Variants in DBX2 observed in about 807,000 individuals in gnomAD.
DBX2 encodes developing brain homeobox 2, also known as homeobox protein DBX2.
A neutral mutation model predicts 17.7 loss-of-function variants in DBX2; 16 were observed. The ratio of observed to expected loss-of-function variants is 0.90; its 90% CI spans 0.61 to 1.37. The LOEUF is 1.37. DBX2 is among the 40% of genes most tolerant of loss of function. The pLI, the probability that DBX2 is intolerant of heterozygous loss-of-function variation, is 0.00. For synonymous variants in DBX2, 255 were observed against 183.8 expected (o/e 1.39, Z -3.13); for missense variants, 538 against 433.8 (o/e 1.24, Z -2.13).
At chr12:45,028,087 G>A (rs1192602602) in intron 2 of DBX2, among the ~76,000 whole-genome samples, 3 of 152,170 alleles carry the variant, frequency 2.0e-5, no homozygotes, top group African/African-American at 7.2e-5. Context: ...GTAGAGTCGA[G>A]GGATTAGCAT....
intron 2 of DBX2, among the ~76,000 whole-genome samples, chr12:45,028,660 G>A (rs10880730): frequency 0.42 from 63,712 of 151,978 alleles, 13,725 homozygotes; most frequent in South Asian, 0.64. Context: ...TTGGGGCATC[G>A]TGAACCCAAA....
At chr12:45,028,190 A>T (rs1347729051) in intron 2 of DBX2, among the ~76,000 whole-genome samples, 1 of 152,186 alleles carries the variant, frequency 6.6e-6, no homozygotes, top group Non-Finnish European at 1.5e-5. Context: ...GCAGGGTATG[A>T]CTGGAAAGAA....
At chr12:45,034,327 G>T (rs565733861) in intron 2 of DBX2, among the ~76,000 whole-genome samples, 2 of 152,054 alleles carry the variant, frequency 1.3e-5, no homozygotes, top group African/African-American at 4.8e-5. Context: ...ATTCCACAGC[G>T]ATGCCATCAT....
chr12:45,028,659 C>T (rs74427017), intron 2 of DBX2, among the ~76,000 whole-genome samples: 6,060 of 152,162 alleles, frequency 0.04, 400 homozygotes, highest in African/African-American at 0.14. Context: ...TTTGGGGCAT[C>T]GTGAACCCAA....
chr12:45,019,799 C>T (rs577364486), intron 3 of DBX2, among the ~76,000 whole-genome samples: 1 of 152,160 alleles, frequency 6.6e-6, no homozygotes, highest in South Asian at 2.1e-4. Context: ...CCAAACAATA[C>T]ACATTATCAG....
intron 3 of DBX2, among the ~76,000 whole-genome samples, chr12:45,019,584 C>A (rs1946340874): frequency 1.3e-5 from 2 of 152,090 alleles, no homozygotes; most frequent in African/African-American, 2.4e-5. Context: ...AATGTACACA[C>A]ACTTTTACAC....
rs1435168895 is a variant in DBX2, at chr12:45,036,010, A to C, written c.499+9T>G. On this transcript the variant is annotated intron_variant, in intron 2 of 3. Transcript: ENST00000332700. ...ACTGAGGCATTGCTGATGAAGGATA[A>C]AAACTTACTTGGAAAAGCAGTGGAG... 1 of 1,611,192 alleles carries C rather than the reference A, an allele frequency of 6.2e-7. No homozygotes were observed. The highest frequency in any genetic ancestry group is 8.5e-7 in the Non-Finnish European group (1 of 1,178,988).
In DBX2 at chr12:45,047,916, T is replaced by C. The variant is rs543484413; in HGVS notation, c.403+2609A>G. 4.6e-5 allele frequency among the ~76,000 whole-genome samples: 7 copies of C among 152,234 alleles called. No individual in the cohort carries two copies. The South Asian group carries it at 1.5e-3, about 32-fold the overall frequency. On this transcript the variant is annotated intron_variant, in intron 1 of 3. Transcript: ENST00000332700. ...CTCCATAGCCACCTCATTAGCTTATTAGGAGGATTAAAGGAGCTATTTTGA... is the reference window on the plus strand; with the variant it reads ...CTCCATAGCCACCTCATTAGCTTATCAGGAGGATTAAAGGAGCTATTTTGA...
intron 1 of DBX2, among the ~76,000 whole-genome samples, chr12:45,039,041 CT>C (rs907213532): frequency 6.6e-6 from 1 of 151,726 alleles, no homozygotes; most frequent in Non-Finnish European, 1.5e-5. Flanking sequence ...TTTAAATCAC[CT>C]TTTTGACATG....
At chr12:45,036,549 T>C (rs1946442129) in intron 1 of DBX2, among the ~76,000 whole-genome samples, 2 of 152,210 alleles carry the variant, frequency 1.3e-5, no homozygotes, top group Non-Finnish European at 2.9e-5. Context: ...TAACTGCATA[T>C]TTACTCTAAA....
chr12:45,040,595 T>C (rs1946465777), intron 1 of DBX2, among the ~76,000 whole-genome samples: 1 of 152,148 alleles, frequency 6.6e-6, no homozygotes, highest in African/African-American at 2.4e-5. Flanking sequence ...TATTTGAAGA[T>C]ACAGATTCAA....
At chr12:45,048,248 T>G (rs1647787722) in intron 1 of DBX2, among the ~76,000 whole-genome samples, 2 of 152,152 alleles carry the variant, frequency 1.3e-5, no homozygotes, top group Non-Finnish European at 2.9e-5. Context: ...CAAATTTAGA[T>G]GTGGTGCACT....
intron 1 of DBX2, among the ~76,000 whole-genome samples, chr12:45,036,487 C>G (rs1388873243): frequency 1.3e-5 from 2 of 152,164 alleles, no homozygotes; most frequent in Non-Finnish European, 2.9e-5. Context: ...AAAATGGTAT[C>G]TGCTACCCAC....
intron 2 of DBX2, among the ~76,000 whole-genome samples, chr12:45,029,911 T>A (rs574997554): frequency 5.5e-5 from 8 of 144,334 alleles, no homozygotes; most frequent in South Asian, 4.4e-4. Flanking sequence ...AATAAATAAA[T>A]AAAAATAAAG....
chr12:45,023,942 A>C, intron 2 of DBX2, 48 bp from the exon 3 acceptor site: 1 of 1,506,746 alleles, frequency 6.6e-7, no homozygotes, highest in Non-Finnish European at 8.8e-7. Context: ...CTTTAGAAAG[A>C]AGTCAGTCTT....
intron 3 of DBX2, among the ~76,000 whole-genome samples, chr12:45,022,996 T>C (rs1946361817): frequency 1.3e-5 from 2 of 152,222 alleles, no homozygotes. Context: ...CGGGGATTAT[T>C]ATAGTGTGTA....
intron 1 of DBX2, among the ~76,000 whole-genome samples, chr12:45,042,279 T>C (rs1946475664): frequency 6.6e-6 from 1 of 152,226 alleles, no homozygotes; most frequent in South Asian, 2.1e-4. Context: ...AGCTGTATTG[T>C]GCAGACTTCT....
chr12:45,050,887 C>G lies in DBX2; in HGVS notation c.41G>C (p.Trp14Ser), dbSNP rs888746811. 4.1e-5 allele frequency: 63 copies of G among 1,523,272 alleles called. No individual in the cohort carries two copies. Among genetic ancestry groups the G allele is most frequent in the Non-Finnish European group, 5.3e-5 (60 of 1,138,298 alleles). The allele number at this position is 1,523,272 out of a possible 1,614,324, so 94.4% of individuals were successfully genotyped here. A position where few individuals can be genotyped will look rare whatever the true frequency, so the allele number is the denominator to read the frequency against. Reference sequence around the variant, plus strand: ...GAGCGCGGAGGAAGCCACAACGTCCCAGTACGCACCGGCGTGGGCTGCGAC... The same window carrying G: ...GAGCGCGGAGGAAGCCACAACGTCCGAGTACGCACCGGCGTGGGCTGCGAC... ...SAVAAHAGAY[W>S]DVVASSALLN... Residue 14 changes from tryptophan (W) to serine (S), a missense_variant, in exon 1 of 4, where the codon TGG (tryptophan) becomes TCG (serine). Transcript: ENST00000332700.
At position 45,050,558 on chromosome 12, in the gene DBX2, C is replaced by A; in HGVS notation, c.370G>T (p.Asp124Tyr). Reference protein sequence around the residue: ...SARLPGRAPGDRDCTFQPSAP... With the variant: ...SARLPGRAPGYRDCTFQPSAP... The stretch of plus-strand genomic sequence containing the variant: ...GAAGGCTGGAAGGTACAGTCTCGGT[C>A]CCCCGGAGCCCGGCCCGGCAGCCTC... The change falls in exon 1 of 4, where the codon GAC becomes TAC. Residue 124 changes from aspartate (D) to tyrosine (Y), a missense_variant. Coordinates refer to ENST00000332700, the MANE Select transcript of DBX2 (RefSeq NM_001004329.3). 2 of 1,552,698 alleles carry A rather than the reference C, an allele frequency of 1.3e-6. No homozygotes were observed. The highest frequency in any genetic ancestry group is 2.4e-5 in the East Asian group (1 of 41,070).
Sources: allele counts gnomAD v4.1 joint callset (sites outside exome capture counted in the v4.1 genomes callset), GRCh38; gene constraint gnomAD v4.1.1; transcripts MANE v1.5; gene names NCBI Gene and HGNC (gene_info 2026-07-23, HGNC 2026-07-21).